PCDH7: variants seen among roughly 807,000 people sequenced by gnomAD.
The protein encoded by PCDH7 is protocadherin-7.
A neutral mutation model predicts 58.9 loss-of-function variants in PCDH7; 17 were observed. The ratio of observed to expected loss-of-function variants is 0.29; its 90% CI spans 0.20 to 0.43. The LOEUF is 0.43. PCDH7 is among the 20% of genes least tolerant of loss of function. The probability of loss-of-function intolerance (pLI) is 1.00; values close to 1 mark genes in which losing one functional copy is unlikely to be tolerated. For missense variants in PCDH7, 1,274 were observed against 1,441.0 expected (o/e 0.88, Z 1.88); for synonymous variants, 664 against 616.4 (o/e 1.08, Z -1.14).
intron 1 of PCDH7, among the ~76,000 whole-genome samples, chr4:30,772,277 T>C (rs1227742233): frequency 2.6e-5 from 4 of 152,226 alleles, no homozygotes; most frequent in Non-Finnish European, 5.9e-5. Context: ...TAAAACTCTT[T>C]GGTTTCCAAT....
intron 1 of PCDH7, among the ~76,000 whole-genome samples, chr4:30,841,107 T>C (rs1292585673): frequency 6.6e-6 from 1 of 152,130 alleles, no homozygotes; most frequent in Non-Finnish European, 1.5e-5. Flanking sequence ...CTAAAAATAC[T>C]TTTTCATAGT....
At chr4:30,724,366 T>G in exon 1 of PCDH7, 1 of 1,613,968 alleles carries the variant, frequency 6.2e-7, no homozygotes, top group Non-Finnish European at 8.5e-7. Flanking sequence ...GCGATACAGG[T>G]CCGTTAATGG....
chr4:31,035,181 A>C (rs974486642), intron 3 of PCDH7, among the ~76,000 whole-genome samples: 1 of 150,612 alleles, frequency 6.6e-6, no homozygotes, highest in Non-Finnish European at 1.5e-5. Flanking sequence ...ACTTGTCCTT[A>C]GCTTATGCGG....
At chr4:30,913,952 T>A (rs1742087773) in intron 1 of PCDH7, among the ~76,000 whole-genome samples, 1 of 152,196 alleles carries the variant, frequency 6.6e-6, no homozygotes, top group Non-Finnish European at 1.5e-5. Flanking sequence ...CTGAGATTAG[T>A]TTCATTCAGA....
intron 1 of PCDH7, among the ~76,000 whole-genome samples, chr4:30,904,748 G>T (rs979623601): frequency 7.2e-5 from 11 of 152,182 alleles, no homozygotes; most frequent in African/African-American, 2.7e-4. Context: ...ACAAAGTGCA[G>T]ATAAGGAAGT....
intron 1 of PCDH7, among the ~76,000 whole-genome samples, chr4:30,912,490 A>G (rs1045665118): frequency 3.6e-4 from 55 of 152,302 alleles, no homozygotes; most frequent in African/African-American, 1.3e-3. Flanking sequence ...TGTTTGATGG[A>G]CATAACTAAG....
intron 3 of PCDH7, among the ~76,000 whole-genome samples, chr4:31,135,431 C>T (rs1719480424): frequency 6.6e-6 from 1 of 152,194 alleles, no homozygotes; most frequent in South Asian, 2.1e-4. Context: ...AGGAGGATGC[C>T]TAATGTGGAG....
chr4:30,836,893 G>T (rs1318112855), intron 1 of PCDH7, among the ~76,000 whole-genome samples: 2 of 152,084 alleles, frequency 1.3e-5, no homozygotes, highest in Non-Finnish European at 2.9e-5. Flanking sequence ...CAGCCAAGCC[G>T]AGTGCCTTAG....
At chr4:31,097,638 A>ATGATC (rs370034723) in intron 3 of PCDH7, among the ~76,000 whole-genome samples, 1 of 79,210 alleles carries the variant, frequency 1.3e-5, no homozygotes, top group African/African-American at 5.8e-5. Context: ...ATATATATAT[A>ATGATC]AATCTTTTTT....
intron 1 of PCDH7, among the ~76,000 whole-genome samples, chr4:30,879,065 G>A (rs558444109): frequency 1.3e-5 from 2 of 151,922 alleles, no homozygotes; most frequent in Admixed American, 1.3e-4. Flanking sequence ...TCATTAAGAA[G>A]TGAAGCAAAG....
At chr4:30,728,973 A>T (rs1715055697) in intron 1 of PCDH7, among the ~76,000 whole-genome samples, 1 of 151,872 alleles carries the variant, frequency 6.6e-6, no homozygotes, top group Admixed American at 6.6e-5. Flanking sequence ...AAGCTTAAAC[A>T]TACACAATGT....
intron 1 of PCDH7, among the ~76,000 whole-genome samples, chr4:30,899,595 C>A (rs1739931859): frequency 6.6e-6 from 1 of 152,184 alleles, no homozygotes; most frequent in Non-Finnish European, 1.5e-5. Context: ...TAGGCTAAGT[C>A]ATCTGATAAT....
At chr4:30,894,567 A>G (rs1467757931) in intron 1 of PCDH7, among the ~76,000 whole-genome samples, 29 of 110,886 alleles carry the variant, frequency 2.6e-4, no homozygotes, top group African/African-American at 9.8e-4. Context: ...ACATATATAC[A>G]TATACACACA....
At chr4:31,088,228 G>A (rs909332267) in intron 3 of PCDH7, among the ~76,000 whole-genome samples, 2 of 151,900 alleles carry the variant, frequency 1.3e-5, no homozygotes, top group African/African-American at 4.8e-5. Context: ...CATCCATTGG[G>A]GACATTGTTA....
chr4:30,864,223 A>C (rs941760737), intron 1 of PCDH7, among the ~76,000 whole-genome samples: 1 of 152,074 alleles, frequency 6.6e-6, no homozygotes, highest in Non-Finnish European at 1.5e-5. Flanking sequence ...ATTACACTAG[A>C]AAGAAAAAAC....
intron 2 of PCDH7, among the ~76,000 whole-genome samples, chr4:30,929,647 T>C (rs943621775): frequency 8.5e-5 from 13 of 152,096 alleles, no homozygotes; most frequent in African/African-American, 3.1e-4. Flanking sequence ...GACAATAGGA[T>C]AGTATCCAGC....
intron 1 of PCDH7, among the ~76,000 whole-genome samples, chr4:30,887,037 G>T (rs1386118147): frequency 6.7e-6 from 1 of 149,102 alleles, no homozygotes; most frequent in Non-Finnish European, 1.5e-5. Flanking sequence ...GCTAGATGAC[G>T]AGTTAGTGGG....
intron 2 of PCDH7, among the ~76,000 whole-genome samples, chr4:30,925,149 A>T (rs1177540287): frequency 6.6e-6 from 1 of 152,146 alleles, no homozygotes; most frequent in Non-Finnish European, 1.5e-5. Flanking sequence ...TACATGCATT[A>T]TACCTTGTCC....
intron 1 of PCDH7, chr4:30,725,405 T>G (rs762939168): frequency 2.8e-6 from 1 of 359,472 alleles, no homozygotes; most frequent in African/African-American, 2.2e-5. Context: ...GTATGCATTA[T>G]GATATATTGA....
Sources: allele counts gnomAD v4.1 joint callset (sites outside exome capture counted in the v4.1 genomes callset), GRCh38; gene constraint gnomAD v4.1.1; transcripts MANE v1.5; gene names NCBI Gene and HGNC (gene_info 2026-07-23, HGNC 2026-07-21).